Variants in ZNF536 observed in about 807,000 individuals in gnomAD.
ZNF536 encodes zinc finger protein 536.
Under a neutral mutation model 84.5 loss-of-function variants are expected in ZNF536, and 13 were observed. The ratio of observed to expected loss-of-function variants is 0.15; its 90% CI spans 0.10 to 0.24. The LOEUF (loss-of-function observed/expected upper bound fraction) is 0.24. ZNF536 is among the 10% of genes least tolerant of loss of function. ZNF536 has a pLI of 1.00. For synonymous variants in ZNF536, 811 were observed against 742.5 expected (o/e 1.09, Z -1.50); for missense variants, 1,536 against 1,747.5 (o/e 0.88, Z 2.16).
In ZNF536 at chr19:30,631,311, G is replaced by A. The variant is rs555626806; in HGVS notation, c.170-79446G>A. 7.2e-5 allele frequency among the ~76,000 whole-genome samples: 11 copies of A among 152,322 alleles called. No homozygotes were observed. In the South Asian group the frequency reaches 2.3e-3, roughly 32 times the overall value. On this transcript the variant is annotated intron_variant, in intron 1 of 1. Transcript: ENST00000592773. ...GCCAGGCTGCCCCTCTTTGTGTCGG[G>A]GAGAACAGTTTGGGGATGGAAATCC...
At chr19:30,249,011 C>T (rs534191393) in intron 1 of ZNF536, among the ~76,000 whole-genome samples, 2 of 152,290 alleles carry the variant, frequency 1.3e-5, no homozygotes, top group Non-Finnish European at 2.9e-5. Flanking sequence ...ATTAATGCGT[C>T]GTTCAGCATT....
chr19:30,444,207 C>T lies in ZNF536; in HGVS notation c.645C>T (p.Gly215=), dbSNP rs1304795162. The change falls in exon 2 of 5, where the codon GGC becomes GGT. Residue 215 remains glycine, a synonymous_variant. Coordinates refer to ENST00000355537, the MANE Select transcript of ZNF536 (RefSeq NM_014717.3). Reference sequence around the variant, plus strand: ...TCCTGCGGGACAAGCAGCTGAAAGGCAGCCTGCTGCAGCCCCGGCCGGACC... The same window carrying T: ...TCCTGCGGGACAAGCAGCTGAAAGGTAGCCTGCTGCAGCCCCGGCCGGACC... ...RAILRDKQLK[G]SLLQPRPDLK... 3 of 1,548,698 alleles carry T rather than the reference C, an allele frequency of 1.9e-6. No homozygotes were observed. Among genetic ancestry groups the T allele is most frequent in the Admixed American group, 1.9e-5 (1 of 51,872 alleles).
upstream of ZNF536, among the ~76,000 whole-genome samples, chr19:30,369,263 G>C (rs977597520): frequency 1.3e-5 from 2 of 152,210 alleles, no homozygotes; most frequent in African/African-American, 4.8e-5. Flanking sequence ...TTTTCGCAAA[G>C]TTTAAGTGGG....
At chr19:30,404,050 T>C (rs761719056) in intron 1 of ZNF536, among the ~76,000 whole-genome samples, 2 of 149,082 alleles carry the variant, frequency 1.3e-5, no homozygotes, top group Non-Finnish European at 3.0e-5. Flanking sequence ...CTGCTGTTCA[T>C]TTAGAATCTC....
intron 2 of ZNF536, among the ~76,000 whole-genome samples, chr19:30,459,009 G>T (rs1265166600): frequency 6.6e-6 from 1 of 152,200 alleles, no homozygotes; most frequent in African/African-American, 2.4e-5. Flanking sequence ...GAGCTGTGTG[G>T]CCCAGCAAGG....
intron 1 of ZNF536, among the ~76,000 whole-genome samples, chr19:30,597,109 T>C (rs1013373726): frequency 6.6e-6 from 1 of 152,236 alleles, no homozygotes; most frequent in Non-Finnish European, 1.5e-5. Context: ...GCATTTAGTC[T>C]TGAAAGATCT....
At chr19:30,451,936 T>C (rs961450378) in intron 2 of ZNF536, among the ~76,000 whole-genome samples, 8 of 152,190 alleles carry the variant, frequency 5.3e-5, no homozygotes, top group Non-Finnish European at 8.8e-5. Flanking sequence ...GGCAAGGAAT[T>C]AAGCGGTCAA....
At chr19:30,388,195 G>A (rs566965096) in intron 1 of ZNF536, among the ~76,000 whole-genome samples, 1 of 152,338 alleles carries the variant, frequency 6.6e-6, no homozygotes, top group South Asian at 2.1e-4. Context: ...GCCTACTTCA[G>A]TCAACCTGAG....
At chr19:30,624,930 C>T (rs2048619445) in intron 1 of ZNF536, among the ~76,000 whole-genome samples, 1 of 152,170 alleles carries the variant, frequency 6.6e-6, no homozygotes, top group African/African-American at 2.4e-5. Context: ...ACTCTTCTCT[C>T]TCCTGCTGCC....
intron 2 of ZNF536, among the ~76,000 whole-genome samples, chr19:30,336,202 C>T (rs1177623052): frequency 6.6e-6 from 1 of 152,188 alleles, no homozygotes; most frequent in African/African-American, 2.4e-5. Context: ...GGACTTGAGT[C>T]CAGCTGGAAA....
intron 1 of ZNF536, among the ~76,000 whole-genome samples, chr19:30,386,906 C>G (rs11084549): frequency 6.6e-6 from 1 of 152,094 alleles, no homozygotes; most frequent in Non-Finnish European, 1.5e-5. Flanking sequence ...TGCGGGTCGC[C>G]GGCATGGACA....
At chr19:30,271,479 C>A (rs905486754) in intron 1 of ZNF536, among the ~76,000 whole-genome samples, 1 of 152,018 alleles carries the variant, frequency 6.6e-6, no homozygotes, top group Admixed American at 6.6e-5. Flanking sequence ...TAACCAGTAG[C>A]TGGAGCTAAG....
intron 1 of ZNF536, among the ~76,000 whole-genome samples, chr19:30,391,579 AAAAC>A (rs776618220): frequency 8.6e-4 from 131 of 152,188 alleles, no homozygotes; most frequent in Non-Finnish European, 1.7e-3. Context: ...TCTGTCTCAA[AAAAC>A]AAACAAACAA....
rs372014241 is a variant in ZNF536, at chr19:30,691,332, G to T, written c.170-19425G>T. Among the ~76,000 whole-genome samples, 24 of 152,226 alleles carry T rather than the reference G, an allele frequency of 1.6e-4. No individual in the cohort carries two copies. The East Asian group carries it at 3.1e-3, about 20-fold the overall frequency. ...CCAGAGATCTGCGGCCAGGGGACAA[G>T]CCCGTCCCCGCTCGGATCCCAGGCC... is the stretch of plus-strand genomic sequence containing the variant. On this transcript the variant is annotated intron_variant, in intron 1 of 1. Coordinates refer to the ZNF536 transcript ENST00000592773.
intron 1 of ZNF536, among the ~76,000 whole-genome samples, chr19:30,624,423 T>C (rs1446227949): frequency 2.0e-5 from 3 of 152,194 alleles, no homozygotes; most frequent in Non-Finnish European, 4.4e-5. Flanking sequence ...CAGAATGATC[T>C]AACAGTGTTG....
intron 1 of ZNF536, among the ~76,000 whole-genome samples, chr19:30,437,701 C>CT (rs1401776535): frequency 6.6e-6 from 1 of 151,978 alleles, no homozygotes; most frequent in Non-Finnish European, 1.5e-5. Context: ...AAGGTCAGGA[C>CT]TGGGGGGGAA....
intron 1 of ZNF536, among the ~76,000 whole-genome samples, chr19:30,378,938 A>G (rs2147134185): frequency 6.6e-6 from 1 of 152,194 alleles, no homozygotes; most frequent in South Asian, 2.1e-4. Flanking sequence ...GTCTCTCCCA[A>G]AGGATGTTGA....
intron 1 of ZNF536, among the ~76,000 whole-genome samples, chr19:30,258,318 G>A (rs139311640): frequency 4.6e-5 from 7 of 152,312 alleles, no homozygotes; most frequent in South Asian, 4.1e-4. Flanking sequence ...CTTGTTAAAC[G>A]TGAGAAAAGT....
upstream of ZNF536, among the ~76,000 whole-genome samples, chr19:30,228,064 G>A (rs918467853): frequency 6.6e-6 from 1 of 151,396 alleles, no homozygotes; most frequent in Non-Finnish European, 1.5e-5. The surrounding 1 kb of genome is among the most constrained non-coding windows in gnomAD (Gnocchi z 4.5). Flanking sequence ...ATGTGCGTGC[G>A]TGTGTGTGTG....
Sources: gnomAD v4.1 joint callset for allele counts (sites outside exome capture counted in the v4.1 genomes callset) on GRCh38, gnomAD v4.1.1 for gene constraint, Gnocchi (gnomAD v3.1) non-coding constraint, MANE v1.5 for transcripts, NCBI Gene and HGNC (gene_info 2026-07-23, HGNC 2026-07-21) for gene names.